Variants in GRN observed in about 807,000 individuals in gnomAD.
The protein encoded by GRN is granulin precursor.
In GRN, 30 loss-of-function variants were observed where a neutral mutation model predicts 66.7. The observed-to-expected ratio is 0.45, with a 90% CI of 0.34 to 0.61. GRN has a LOEUF of 0.61. Ranked by LOEUF, GRN falls within the 20% of genes least tolerant of loss-of-function variation. GRN has a pLI of 0.01. For missense variants in GRN, 731 were observed against 803.5 expected, an observed-to-expected ratio of 0.91 and a Z score of 1.09; for synonymous variants, 327 against 311.1, an observed-to-expected ratio of 1.05 and a Z score of -0.54.
intron 4 of GRN, chr17:44,349,961 G>C (rs549485123): frequency 1.6e-6 from 1 of 639,362 alleles, no homozygotes; most frequent in Admixed American, 2.4e-5. Context: ...AGGTCCAGGC[G>C]TTGTGGGGGT....
rs769433365 is a variant in GRN, at chr17:44,350,788, C to T, written c.696C>T (p.Cys232=). The stretch of plus-strand genomic sequence containing the variant: ...TGCCCAGTGGGAAGTATGGCTGCTG[C>T]CCAATGCCCAACGTGAGTGAGGGGC... ...CELPSGKYGC[C]PMPNATCCSD... The change falls in exon 7 of 13, where the codon TGC becomes TGT. Residue 232 remains cysteine (C), a synonymous_variant. Transcript: ENST00000053867. 3.7e-6 allele frequency: 6 copies of T among 1,611,156 alleles called. No individual in the cohort carries two copies. Among genetic ancestry groups the T allele is most frequent in the Admixed American group, 1.7e-5 (1 of 60,028 alleles).
At position 44,349,207 on chromosome 17, in the gene GRN, G is replaced by C. The variant is rs1209593564; in HGVS notation, c.43G>C (p.Val15Leu). Residue 15 changes from valine (V) to leucine (L), a missense_variant, in exon 2 of 13, where the codon GTG becomes CTG. Coordinates refer to ENST00000053867, the MANE Select transcript of GRN (RefSeq NM_002087.4). ...CTGGGTGGCCTTAACAGCAGGGCTGGTGGCTGGAACGCGGTGCCCAGATGG... is the reference window on the plus strand; with the variant it reads ...CTGGGTGGCCTTAACAGCAGGGCTGCTGGCTGGAACGCGGTGCCCAGATGG... ...VSWVALTAGLVAGTRCPDGQF... is the reference protein window; with the variant it reads ...VSWVALTAGLLAGTRCPDGQF... The C allele has an allele frequency of 1.2e-6, 2 of 1,613,996 alleles. No individual in the cohort carries two copies. Among genetic ancestry groups the C allele is most frequent in the Middle Eastern group, 1.6e-4 (1 of 6,084 alleles).
chr17:44,347,884 C>T (rs1001742241), intron 1 of GRN, among the ~76,000 whole-genome samples: 11 of 146,868 alleles, frequency 7.5e-5, no homozygotes, highest in Non-Finnish European at 1.0e-4. Flanking sequence ...GAGCTGAGAT[C>T]GTGCCACTGA....
chr17:44,352,832 C>T lies in GRN; in HGVS notation c.*34C>T, dbSNP rs756125597. 1.2e-6 allele frequency: 2 copies of T among 1,602,594 alleles called. No homozygotes were observed. Among genetic ancestry groups the T allele is most frequent in the Non-Finnish European group, 1.7e-6 (2 of 1,176,208 alleles). ...ACTGAAGACTCTGCAGCCCTCGGGA[C>T]CCCACTCGGAGGGTGCCCTCTGCTC... is the stretch of plus-strand genomic sequence containing the variant. On this transcript the variant is annotated 3_prime_UTR_variant, in exon 13 of 13. Transcript: ENST00000053867.
Position 44,351,359 on chromosome 17 carries a change from A to C in GRN, c.836-4A>C. 1 of 1,609,760 alleles carries C rather than the reference A, an allele frequency of 6.2e-7. No homozygotes were observed. The highest frequency in any genetic ancestry group is 8.5e-7 in the Non-Finnish European group (1 of 1,176,168). On this transcript the variant is annotated splice_polypyrimidine_tract_variant and splice_region_variant and intron_variant, in intron 8 of 12. Coordinates refer to ENST00000053867, the MANE Select transcript of GRN (RefSeq NM_002087.4). ...CTGACCTGTCCTCTCTGCTTCCCTCACAGTGGGGGATGTGAAATGTGACAT... is the reference window on the plus strand; with the variant it reads ...CTGACCTGTCCTCTCTGCTTCCCTCCCAGTGGGGGATGTGAAATGTGACAT...
At chr17:44,347,013 AGGCTGAG>A (rs2048330737) in intron 1 of GRN, among the ~76,000 whole-genome samples, 1 of 151,966 alleles carries the variant, frequency 6.6e-6, no homozygotes. Flanking sequence ...CCTACTTGGG[AGGCTGAG>A]GCAGGAGAAT....
Position 44,350,237 on chromosome 17 carries a change from C to A in GRN, c.359C>A (p.Ser120Tyr), listed in dbSNP as rs63750043. The A allele has an allele frequency of 6.6e-4, 1,067 of 1,612,426 alleles. 8 individuals are homozygous for A. In the Middle Eastern group the frequency reaches 0.014, roughly 22 times the overall value. The stretch of plus-strand genomic sequence containing the variant: ...GTCATCTTGTCCACAGGTAACAACT[C>A]CGTGGGTGCCATCCAGTGCCCTGAT... ...RSCFQRSGNN[S>Y]VGAIQCPDSQ... The change falls in exon 5 of 13, where the codon TCC (serine) becomes TAC (tyrosine). Residue 120 changes from serine (S) to tyrosine (Y), a missense_variant. Coordinates refer to ENST00000053867, the MANE Select transcript of GRN (RefSeq NM_002087.4).
In GRN at chr17:44,351,654, G is replaced by GA; in HGVS notation, c.1040dup (p.Ala348GlyfsTer20). ...GGCCCCACCAGGTGCCCTGGATGGA[G>GA]AAGGCCCCAGCTCACCTCAGCCTGC... On this transcript the variant is annotated frameshift_variant, in exon 10 of 13. Coordinates refer to ENST00000053867, the MANE Select transcript of GRN (RefSeq NM_002087.4). LOFTEE classifies it high-confidence loss of function. 6.2e-7 allele frequency: 1 copy of GA among 1,614,098 alleles called. No homozygotes were observed.
rs912111761 is a variant in GRN, at chr17:44,351,733, C to T, written c.1117C>T (p.Pro373Ser). Residue 373 changes from proline to serine, a missense_variant, in exon 10 of 13, where the codon CCC (proline) becomes TCC (serine). Pro to Ser is a moderately conservative substitution (Grantham distance 74). Around this residue, in one of 3 missense-constraint regions of GRN, gnomAD observed 319 missense variants for 347.2 expected, o/e 0.92. Coordinates refer to ENST00000053867, the MANE Select transcript of GRN (RefSeq NM_002087.4). ...DVPCDNVSSC[P>S]SSDTCCQLTS... ...CCCCTGTGATAATGTCAGCAGCTGT[C>T]CCTCCTCCGATACCTGCTGCCAACT... 3 of 1,613,610 alleles carry T rather than the reference C, an allele frequency of 1.9e-6. No individual in the cohort carries two copies. Among genetic ancestry groups the T allele is most frequent in the Non-Finnish European group, 2.5e-6 (3 of 1,179,884 alleles).
rs759134554 is a variant in GRN at position 44,352,190 on chromosome 17, T to A, written c.1355T>A (p.Val452Glu). The A allele has an allele frequency of 1.5e-5, 24 of 1,613,348 alleles. No individual in the cohort carries two copies. Among genetic ancestry groups the A allele is most frequent in the Non-Finnish European group, 1.9e-5 (23 of 1,179,878 alleles). Reference sequence around the variant, plus strand: ...TGTGACCAGCACACCAGCTGCCCGGTGGGGCAGACCTGCTGCCCGAGCCTG... The same window carrying A: ...TGTGACCAGCACACCAGCTGCCCGGAGGGGCAGACCTGCTGCCCGAGCCTG... ...IGCDQHTSCP[V>E]GQTCCPSLGG... is the part of the protein sequence containing the mutation. Residue 452 changes from valine (V) to glutamate (E), a missense_variant, in exon 11 of 13, where the codon GTG becomes GAG. Coordinates refer to ENST00000053867, the MANE Select transcript of GRN (RefSeq NM_002087.4).
At position 44,352,409 on chromosome 17, in the gene GRN, C is replaced by T. The variant is rs975412292; in HGVS notation, c.1482C>T (p.Ser494=). ...ACACCTGCAACGTGAAGGCTCGATC[C>T]TGCGAGAAGGAAGTGGTCTCTGCCC... ...AGYTCNVKAR[S]CEKEVVSAQP... is the part of the protein sequence containing the mutation. The change falls in exon 12 of 13, where the codon TCC becomes TCT. Residue 494 remains serine (S), a synonymous_variant. Coordinates refer to ENST00000053867, the MANE Select transcript of GRN (RefSeq NM_002087.4). 6.2e-7 allele frequency: 1 copy of T among 1,613,954 alleles called. No individual in the cohort carries two copies. Among genetic ancestry groups the T allele is most frequent in the African/African-American group, 1.3e-5 (1 of 74,954 alleles).
chr17:44,352,076 G>T lies in GRN; in HGVS notation c.1241G>T (p.Gly414Val), dbSNP rs63750920. 2.8e-5 allele frequency: 45 copies of T among 1,613,506 alleles called. No homozygotes were observed. Among genetic ancestry groups the T allele is most frequent in the Non-Finnish European group, 3.6e-5 (43 of 1,179,924 alleles). Residue 414 changes from glycine to valine, a missense_variant, in exon 11 of 13, where the codon GGG (glycine) becomes GTG (valine). Physicochemically the swap from Gly to Val is moderately radical, Grantham distance 109. Transcript: ENST00000053867. Reference sequence around the variant, plus strand: ...CAGGGCTACACGTGTGTAGCTGAGGGGCAGTGTCAGCGAGGAAGCGAGATC... The same window carrying T: ...CAGGGCTACACGTGTGTAGCTGAGGTGCAGTGTCAGCGAGGAAGCGAGATC... ...CPQGYTCVAE[G>V]QCQRGSEIVA... is the part of the protein sequence containing the mutation.
intron 1 of GRN, among the ~76,000 whole-genome samples, chr17:44,348,577 A>G (rs2048342496): frequency 2.0e-5 from 3 of 152,166 alleles, no homozygotes; most frequent in Non-Finnish European, 2.9e-5. Flanking sequence ...CCCAGACTCC[A>G]CTGGCCACCA....
In GRN at chr17:44,351,167, C is replaced by A; in HGVS notation, c.835+4C>A. ...ACTAAGCTGCCTGCGCACACAGGTA[C>A]CAGAGGCAGGGTGCAGATACAGGGG... On this transcript the variant is annotated splice_donor_region_variant and intron_variant, in intron 8 of 12. Transcript: ENST00000053867. 6.2e-7 allele frequency: 1 copy of A among 1,614,132 alleles called. No homozygotes were observed.
chr17:44,346,634 C>G (rs2048328339), intron 1 of GRN, among the ~76,000 whole-genome samples: 2 of 152,174 alleles, frequency 1.3e-5, no homozygotes, highest in African/African-American at 4.8e-5. Flanking sequence ...CTGGGGCCAT[C>G]AAAGCCTGAC....
intron 5 of GRN, 48 bp from the exon 6 acceptor site, chr17:44,350,394 G>A: frequency 1.2e-6 from 2 of 1,612,658 alleles, no homozygotes; most frequent in Non-Finnish European, 1.7e-6. Context: ...GCAGAGTTGG[G>A]GGCCAGGGGC....
rs1386003556 is a variant in GRN at position 44,349,735 on chromosome 17, C to T, written c.333C>T (p.Ser111=). ...TCCACTGCAGTGCAGACGGGCGATC[C>T]TGCTTCCAAAGATCAGGTGCAGCTG... The part of the protein sequence containing the change: ...RGFHCSADGR[S]CFQRSGNNSV... Residue 111 remains serine, a synonymous_variant, in exon 4 of 13, where the codon TCC becomes TCT. Coordinates refer to ENST00000053867, the MANE Select transcript of GRN (RefSeq NM_002087.4). 4 of 1,608,966 alleles carry T rather than the reference C, an allele frequency of 2.5e-6. No homozygotes were observed. The highest frequency in any genetic ancestry group is 1.3e-5 in the African/African-American group (1 of 74,832).
chr17:44,346,967 AT>A (rs2048330408), intron 1 of GRN, among the ~76,000 whole-genome samples: 1 of 152,016 alleles, frequency 6.6e-6, no homozygotes, highest in Non-Finnish European at 1.5e-5. Context: ...AAATACAAAA[AT>A]TAGCCAGGTG....
intron 1 of GRN, chr17:44,345,557 C>T (rs935832468): frequency 2.6e-5 from 4 of 152,364 alleles, no homozygotes; most frequent in African/African-American, 9.6e-5. Context: ...CCCCAGCATT[C>T]CCCCAAAGCA....
Sources: gnomAD v4.1 joint callset for allele counts (sites outside exome capture counted in the v4.1 genomes callset) on GRCh38, gnomAD v4.1.1 for gene constraint, gnomAD v4.1.1 regional missense constraint, MANE v1.5 for transcripts, NCBI Gene and HGNC (gene_info 2026-07-23, HGNC 2026-07-21) for gene names.